KANK4: variants seen among roughly 807,000 people sequenced by gnomAD.
KANK4 encodes KN motif and ankyrin repeat domains 4, also known as KN motif and ankyrin repeat domain-containing protein 4.
A neutral mutation model predicts 80.8 loss-of-function variants in KANK4; 50 were observed. The ratio of observed to expected loss-of-function variants is 0.62; its 90% CI spans 0.49 to 0.78. The LOEUF (loss-of-function observed/expected upper bound fraction) is 0.78, where lower values mean the gene tolerates loss of function less well. Among genes scored for constraint, KANK4 ranks in the 30% least tolerant of loss-of-function variants. The pLI, the probability that KANK4 is intolerant of heterozygous loss-of-function variation, is 0.00. For synonymous variants in KANK4, 465 were observed against 506.9 expected, an observed-to-expected ratio of 0.92 and a Z score of 1.11; for missense variants, 1,196 against 1,240.1, an observed-to-expected ratio of 0.96 and a Z score of 0.53.
chr1:62,252,185 T>C (rs1284687149), intron 8 of KANK4, among the ~76,000 whole-genome samples: 1 of 152,108 alleles, frequency 6.6e-6, no homozygotes, highest in African/African-American at 2.4e-5. Flanking sequence ...GGGGTAGACC[T>C]AGGTGACATT....
intron 1 of KANK4, among the ~76,000 whole-genome samples, chr1:62,302,631 C>T (rs1644421186): frequency 6.6e-6 from 1 of 152,032 alleles, no homozygotes; most frequent in African/African-American, 2.4e-5. Context: ...TGCTCCCTGG[C>T]CTCTTCCACC....
In KANK4 at chr1:62,292,756, G is replaced by T. The variant is rs188874442; in HGVS notation, c.-70-11122C>A. Reference sequence around the variant, plus strand: ...CCTGTTCTACACAAGGAAGTCAGCTGATCACTGATTTGTCAGCCTGCTGGA... The same window carrying T: ...CCTGTTCTACACAAGGAAGTCAGCTTATCACTGATTTGTCAGCCTGCTGGA... On this transcript the variant is annotated intron_variant, in intron 1 of 9. Transcript: ENST00000371153. Among the ~76,000 whole-genome samples, 467 of 152,270 alleles carry T rather than the reference G, an allele frequency of 3.1e-3. 1 individual carries two copies. Among genetic ancestry groups the T allele is most frequent in the Non-Finnish European group, 5.7e-3 (387 of 68,020 alleles).
intron 2 of KANK4, among the ~76,000 whole-genome samples, chr1:62,281,038 C>T (rs758751000): frequency 4.6e-5 from 7 of 152,130 alleles, no homozygotes; most frequent in Admixed American, 1.3e-4. Flanking sequence ...TCCTGGATGA[C>T]GAGAGACACG....
At chr1:62,288,988 A>G (rs1464038780) in intron 1 of KANK4, among the ~76,000 whole-genome samples, 1 of 152,184 alleles carries the variant, frequency 6.6e-6, no homozygotes, top group East Asian at 1.9e-4. Flanking sequence ...ATACCCTACA[A>G]TGAGCCGGGT....
At chr1:62,260,223 C>T (rs1671847349) in intron 7 of KANK4, among the ~76,000 whole-genome samples, 1 of 152,184 alleles carries the variant, frequency 6.6e-6, no homozygotes, top group African/African-American at 2.4e-5. Context: ...CAGGCTTTCC[C>T]GGCTCCTCCC....
intron 5 of KANK4, among the ~76,000 whole-genome samples, chr1:62,267,197 G>C (rs1473863980): frequency 6.6e-6 from 1 of 152,086 alleles, no homozygotes; most frequent in Non-Finnish European, 1.5e-5. Flanking sequence ...TTCTGCCTGG[G>C]TGACTGGAAA....
At chr1:62,269,693 C>T (rs1286474434) in intron 4 of KANK4, among the ~76,000 whole-genome samples, 1 of 152,076 alleles carries the variant, frequency 6.6e-6, no homozygotes, top group Non-Finnish European at 1.5e-5. Flanking sequence ...AAAGTCCCTG[C>T]CCTAGTGGAG....
intron 9 of KANK4, 129 bp from the exon 10 acceptor site, chr1:62,238,510 G>A (rs1284196292): frequency 3.1e-6 from 2 of 655,668 alleles, no homozygotes; most frequent in Admixed American, 2.5e-5. Flanking sequence ...AGAGACCTCG[G>A]TAGAGAAGAT....
At chr1:62,311,307 T>G (rs2366208) in intron 1 of KANK4, among the ~76,000 whole-genome samples, 126,969 of 151,598 alleles carry the variant, frequency 0.84, 53,239 homozygotes, top group African/African-American at 0.87. Flanking sequence ...ACAACGGGAA[T>G]GATAACAGTC....
intron 7 of KANK4, among the ~76,000 whole-genome samples, chr1:62,261,561 A>C (rs1570982956): frequency 6.6e-6 from 1 of 151,362 alleles, no homozygotes. Flanking sequence ...CTGCCCTGCC[A>C]CCTCCTCTCC....
chr1:62,253,191 T>C lies in KANK4; in HGVS notation c.2558A>G (p.His853Arg), dbSNP rs1446439168. ...LLETGVCNVD[H>R]QNKAGYTAVM... ...GGCAGTGTAGCCAGCTTTGTTCTGA[T>C]GGTCCACATTGCAGACGCCTGCAAG... Residue 853 changes from histidine to arginine, a missense_variant, in exon 8 of 10, where the codon CAT becomes CGT. Transcript: ENST00000371153. 6.2e-7 allele frequency: 1 copy of C among 1,610,828 alleles called. No individual in the cohort carries two copies. Among genetic ancestry groups the C allele is most frequent in the Non-Finnish European group, 8.5e-7 (1 of 1,179,296 alleles).
rs545211331 is a variant in KANK4 at position 62,307,798 on chromosome 1, A to T, written c.-71+11308T>A. ...CAAAAGAAGCTAGACATGTAGATTT[A>T]TGTAAAATCTGATTTTTAAATGTTG... is the stretch of plus-strand genomic sequence containing the variant. On this transcript the variant is annotated intron_variant, in intron 1 of 9. Transcript: ENST00000371153. Among the ~76,000 whole-genome samples, 3 of 151,234 alleles carry T rather than the reference A, an allele frequency of 2.0e-5. No individual in the cohort carries two copies. In the East Asian group the frequency reaches 5.9e-4, roughly 30 times the overall value.
At chr1:62,316,590 G>T (rs1383097832) in intron 1 of KANK4, among the ~76,000 whole-genome samples, 1 of 152,182 alleles carries the variant, frequency 6.6e-6, no homozygotes, top group African/African-American at 2.4e-5. Flanking sequence ...TTTTGGAAAT[G>T]GGTTAATGGA....
At chr1:62,280,538 G>A (rs899272507) in intron 2 of KANK4, among the ~76,000 whole-genome samples, 1 of 152,144 alleles carries the variant, frequency 6.6e-6, no homozygotes, top group Non-Finnish European at 1.5e-5. Context: ...CCTAAGTCCC[G>A]TGCCCGTGAA....
intron 1 of KANK4, among the ~76,000 whole-genome samples, chr1:62,318,546 G>A (rs1644561197): frequency 6.6e-6 from 1 of 152,252 alleles, no homozygotes; most frequent in African/African-American, 2.4e-5. Flanking sequence ...GCGGCCCAAA[G>A]GGAGCCCTGG....
intron 2 of KANK4, 39 bp downstream of exon 2, chr1:62,281,510 G>A (rs777411305): frequency 3.7e-6 from 6 of 1,613,596 alleles, no homozygotes; most frequent in South Asian, 1.1e-5. Context: ...CAGCCCAAGT[G>A]CTTATCTTAA....
intron 9 of KANK4, among the ~76,000 whole-genome samples, chr1:62,239,893 T>A (rs1316315710): frequency 6.6e-6 from 1 of 152,218 alleles, no homozygotes; most frequent in Non-Finnish European, 1.5e-5. Context: ...ATATGCCACA[T>A]ATTCTTAATC....
chr1:62,241,517 T>G (rs1367674643), intron 9 of KANK4, among the ~76,000 whole-genome samples: 1 of 152,158 alleles, frequency 6.6e-6, no homozygotes, highest in East Asian at 1.9e-4. Context: ...CTCCACGAGG[T>G]CAAGAACTTG....
intron 4 of KANK4, among the ~76,000 whole-genome samples, chr1:62,268,929 C>T (rs1381079761): frequency 6.6e-6 from 1 of 152,212 alleles, no homozygotes; most frequent in East Asian, 1.9e-4. Flanking sequence ...CACCTCCACC[C>T]TGAATTCACC....
Sources: gnomAD v4.1 joint callset for allele counts (sites outside exome capture counted in the v4.1 genomes callset) on GRCh38, gnomAD v4.1.1 for gene constraint, MANE v1.5 for transcripts, NCBI Gene and HGNC (gene_info 2026-07-23, HGNC 2026-07-21) for gene names.